Variants in NLGN1 observed in about 807,000 individuals in gnomAD.
NLGN1 encodes the protein neuroligin 1, also known as neuroligin-1.
A neutral mutation model predicts 65.5 loss-of-function variants in NLGN1; 12 were observed. That is an observed-to-expected ratio of 0.18 (90% CI 0.12 to 0.30). NLGN1 has a LOEUF of 0.30. NLGN1 is among the 10% of genes least tolerant of loss of function. NLGN1 has a pLI of 1.00. For synonymous variants in NLGN1, 350 were observed against 359.5 expected (o/e 0.97, Z 0.30); for missense variants, 750 against 1,007.1 (o/e 0.74, Z 3.46).
chr3:174,250,515 G>T (rs1051590663), intron 4 of NLGN1, among the ~76,000 whole-genome samples: 77 of 152,274 alleles, frequency 5.1e-4, no homozygotes, highest in African/African-American at 1.7e-3. Context: ...GGAACTTTAA[G>T]ATGGCAAAGG....
intron 4 of NLGN1, among the ~76,000 whole-genome samples, chr3:173,894,553 T>C (rs1735989480): frequency 6.6e-6 from 1 of 152,186 alleles, no homozygotes; most frequent in East Asian, 1.9e-4. Context: ...GAGTGTTCCA[T>C]TGTTTCCATA....
intron 3 of NLGN1, among the ~76,000 whole-genome samples, chr3:173,677,171 G>A (rs1433320834): frequency 6.6e-6 from 1 of 152,002 alleles, no homozygotes; most frequent in Non-Finnish European, 1.5e-5. Flanking sequence ...GCTGTAGAGT[G>A]AAGGTTGGCT....
At chr3:174,063,606 T>G (rs1428643946) in intron 4 of NLGN1, among the ~76,000 whole-genome samples, 1 of 152,008 alleles carries the variant, frequency 6.6e-6, no homozygotes, top group African/African-American at 2.4e-5. Flanking sequence ...CATGAGGTTC[T>G]TATATTTTAT....
intron 3 of NLGN1, among the ~76,000 whole-genome samples, chr3:173,610,555 C>A (rs1167467158): frequency 2.6e-5 from 4 of 151,880 alleles, no homozygotes; most frequent in African/African-American, 9.7e-5. Context: ...AACAAGACAA[C>A]AAGGTTTAAT....
intron 4 of NLGN1, among the ~76,000 whole-genome samples, chr3:173,820,137 C>A (rs1032787888): frequency 7.3e-5 from 11 of 150,212 alleles, no homozygotes; most frequent in Non-Finnish European, 1.0e-4. Flanking sequence ...GGAGATGGCG[C>A]CACTGCACTC....
chr3:173,834,678 T>A (rs953590049), intron 4 of NLGN1, among the ~76,000 whole-genome samples: 2 of 152,150 alleles, frequency 1.3e-5, no homozygotes, highest in Non-Finnish European at 2.9e-5. Flanking sequence ...CACCATGCAA[T>A]CAAATACGTG....
At chr3:173,957,530 C>T (rs1712388288) in intron 4 of NLGN1, among the ~76,000 whole-genome samples, 1 of 152,088 alleles carries the variant, frequency 6.6e-6, no homozygotes, top group East Asian at 1.9e-4. Context: ...AGATTTTTAG[C>T]CCAGAATAAC....
intron 4 of NLGN1, among the ~76,000 whole-genome samples, chr3:174,078,813 A>C (rs1302780004): frequency 6.6e-6 from 1 of 152,154 alleles, no homozygotes; most frequent in African/African-American, 2.4e-5. Flanking sequence ...TGGATTTGTT[A>C]ATTTTAGAGA....
At chr3:173,497,586 C>T (rs915345190) in intron 2 of NLGN1, among the ~76,000 whole-genome samples, 6 of 151,336 alleles carry the variant, frequency 4.0e-5, no homozygotes, top group Admixed American at 2.0e-4. Flanking sequence ...AAAAAAATAA[C>T]AAAATAATTA....
At chr3:174,285,926 A>T (rs1396409499) in exon 7 of NLGN1, 1 of 151,458 alleles carries the variant, frequency 6.6e-6, no homozygotes, top group Admixed American at 6.6e-5. Context: ...AAATAATATC[A>T]GATGCATCTA....
chr3:174,113,109 A>G (rs961180142), intron 4 of NLGN1, among the ~76,000 whole-genome samples: 14 of 151,908 alleles, frequency 9.2e-5, no homozygotes, highest in Admixed American at 5.9e-4. Flanking sequence ...AAATAAAGTA[A>G]TCCCATCACA....
chr3:174,101,042 T>C (rs1285061546), intron 4 of NLGN1, among the ~76,000 whole-genome samples: 1 of 152,128 alleles, frequency 6.6e-6, no homozygotes, highest in Non-Finnish European at 1.5e-5. Flanking sequence ...CATGTCTGCC[T>C]TCTGTCAACT....
intron 3 of NLGN1, among the ~76,000 whole-genome samples, chr3:173,737,152 G>C (rs1325783959): frequency 6.6e-6 from 1 of 151,794 alleles, no homozygotes; most frequent in Admixed American, 6.6e-5. Context: ...GAAATAGAGT[G>C]AACATGTGTC....
At chr3:173,909,043 G>A (rs1203639424) in intron 4 of NLGN1, among the ~76,000 whole-genome samples, 2 of 152,040 alleles carry the variant, frequency 1.3e-5, no homozygotes. Context: ...TGGAAAAATG[G>A]ATCATTTTTC....
chr3:174,250,564 A>G (rs893445030), intron 4 of NLGN1, among the ~76,000 whole-genome samples: 19 of 152,196 alleles, frequency 1.2e-4, no homozygotes, highest in African/African-American at 4.6e-4. Context: ...CTGAAAGCCT[A>G]GAGGAAGACT....
At chr3:173,921,318 A>T in intron 4 of NLGN1, among the ~76,000 whole-genome samples, 1 of 148,016 alleles carries the variant, frequency 6.8e-6, no homozygotes, top group East Asian at 2.0e-4. Flanking sequence ...TATATATTAT[A>T]TATAGTGGAA....
chr3:173,540,230 C>A (rs919668631), intron 2 of NLGN1, among the ~76,000 whole-genome samples: 1 of 152,164 alleles, frequency 6.6e-6, no homozygotes, highest in African/African-American at 2.4e-5. Context: ...CCCTGTCTGC[C>A]ACTGCCACTT....
chr3:173,896,537 C>T (rs886168595), intron 4 of NLGN1, among the ~76,000 whole-genome samples: 3 of 152,180 alleles, frequency 2.0e-5, no homozygotes, highest in African/African-American at 7.2e-5. Context: ...AGGCATTTTA[C>T]TTTCATAGTG....
upstream of NLGN1, chr3:173,396,179 C>A (rs140247375): frequency 7.5e-4 from 115 of 154,012 alleles, no homozygotes; most frequent in African/African-American, 2.7e-3. Flanking sequence ...CCCGGGAGAT[C>A]TTCTCATCCT....
Sources: gnomAD v4.1 joint callset for allele counts (sites outside exome capture counted in the v4.1 genomes callset) on GRCh38, gnomAD v4.1.1 for gene constraint, MANE v1.5 for transcripts, NCBI Gene and HGNC (gene_info 2026-07-23, HGNC 2026-07-21) for gene names.